Variants in ETFA observed in about 807,000 individuals in gnomAD.
ETFA encodes electron transfer flavoprotein subunit alpha, also known as electron transfer flavoprotein subunit alpha, mitochondrial.
ETFA carries 22 observed loss-of-function variants against 46.2 expected under a neutral mutation model. The observed-to-expected ratio is 0.48, with a 90% CI of 0.34 to 0.68. The LOEUF (loss-of-function observed/expected upper bound fraction) is 0.68, where lower values mean the gene tolerates loss of function less well. Among genes scored for constraint, ETFA ranks in the 30% least tolerant of loss-of-function variants. ETFA has a pLI of 0.01. For synonymous variants in ETFA, 131 were observed against 139.9 expected, an observed-to-expected ratio of 0.94 and a Z score of 0.45; for missense variants, 345 against 401.1, an observed-to-expected ratio of 0.86 and a Z score of 1.19.
intron 9 of ETFA, chr15:76,261,244 G>A: frequency 3.2e-6 from 5 of 1,569,790 alleles, no homozygotes; most frequent in Non-Finnish European, 4.4e-6. Flanking sequence ...CAGTTGGAAA[G>A]GGGCATTGGG....
At chr15:76,280,353 C>T (rs2039635382) in intron 8 of ETFA, among the ~76,000 whole-genome samples, 2 of 152,168 alleles carry the variant, frequency 1.3e-5, no homozygotes, top group African/African-American at 2.4e-5. Context: ...TCCTACCACT[C>T]GCCAGGAAAA....
intron 9 of ETFA, chr15:76,260,393 C>T (rs551285139): frequency 2.0e-5 from 31 of 1,572,390 alleles, no homozygotes; most frequent in Middle Eastern, 2.1e-4. Context: ...TCACCAGGGC[C>T]GTTAGCACAC....
chr15:76,286,145 C>T (rs1036246499), intron 6 of ETFA, among the ~76,000 whole-genome samples: 3 of 152,176 alleles, frequency 2.0e-5, no homozygotes, highest in African/African-American at 7.2e-5. Context: ...CTCTGTCTCC[C>T]ACTCCCTTGA....
intron 11 of ETFA, among the ~76,000 whole-genome samples, chr15:76,222,838 ATT>A (rs5813824): frequency 4.1e-4 from 60 of 146,758 alleles, no homozygotes; most frequent in Non-Finnish European, 5.1e-4. Context: ...CCCAAACTGA[ATT>A]TTTTTTTTTT....
intron 1 of ETFA, among the ~76,000 whole-genome samples, chr15:76,306,033 G>C (rs1191032406): frequency 6.6e-6 from 1 of 151,480 alleles, no homozygotes; most frequent in Non-Finnish European, 1.5e-5. Context: ...TTTTGACATT[G>C]TTTTTGCTTG....
intron 10 of ETFA, among the ~76,000 whole-genome samples, chr15:76,228,570 G>A (rs952027424): frequency 6.6e-6 from 1 of 152,050 alleles, no homozygotes; most frequent in Admixed American, 6.6e-5. Flanking sequence ...AAAAAGATGT[G>A]GGGCTGGTTA....
chr15:76,294,877 T>C (rs2039801822), intron 2 of ETFA, among the ~76,000 whole-genome samples: 1 of 152,116 alleles, frequency 6.6e-6, no homozygotes, highest in Non-Finnish European at 1.5e-5. Context: ...AAACATAAAA[T>C]CCTCAAAACA....
intron 1 of ETFA, among the ~76,000 whole-genome samples, chr15:76,306,267 C>CTTTTT (rs35290919): frequency 6.7e-4 from 73 of 109,468 alleles, no homozygotes; most frequent in African/African-American, 2.3e-3. Flanking sequence ...TTTTTTGCTT[C>CTTTTT]TTTTTTTTTT....
chr15:76,259,558 C>A, intron 9 of ETFA: 2 of 1,052,908 alleles, frequency 1.9e-6, no homozygotes, highest in Non-Finnish European at 3.0e-6. Context: ...CACATGGTCA[C>A]CCCGAAGGCC....
At chr15:76,271,189 A>G (rs1241978191) in intron 9 of ETFA, among the ~76,000 whole-genome samples, 1 of 151,958 alleles carries the variant, frequency 6.6e-6, no homozygotes, top group Non-Finnish European at 1.5e-5. Flanking sequence ...AAAAAAAAAA[A>G]AGTTTGAGGA....
chr15:76,277,821 C>T lies in ETFA; in HGVS notation c.734-3327G>A, dbSNP rs115134792. On this transcript the variant is annotated intron_variant, in intron 8 of 11. Coordinates refer to ENST00000557943, the MANE Select transcript of ETFA (RefSeq NM_000126.4). ...CCCTGCCCACCTGGAGTTTTTAACA[C>T]GGAACCTCCAACAATTCATCAACAA... 7.1e-3 allele frequency among the ~76,000 whole-genome samples: 1,079 copies of T among 152,228 alleles called. 17 individuals carry two copies. The highest frequency in any genetic ancestry group is 0.025 in the African/African-American group (1,022 of 41,546).
intron 7 of ETFA, 149 bp downstream of exon 7, chr15:76,285,488 C>T: frequency 1.6e-6 from 1 of 610,480 alleles, no homozygotes; most frequent in East Asian, 3.0e-5. Flanking sequence ...ATTTCATTTT[C>T]CTAATTGGTT....
chr15:76,221,564 T>C (rs1318589010), intron 11 of ETFA, among the ~76,000 whole-genome samples: 1 of 152,242 alleles, frequency 6.6e-6, no homozygotes, highest in African/African-American at 2.4e-5. Context: ...ACTACAATTA[T>C]AATATTTACC....
At chr15:76,310,369 G>GAAAAAAAAAAAAAAAA (rs34111559) in intron 1 of ETFA, among the ~76,000 whole-genome samples, 13 of 104,444 alleles carry the variant, frequency 1.2e-4, no homozygotes, top group African/African-American at 4.8e-4. Flanking sequence ...TCCATGCCCA[G>GAAAAAAAAAAAAAAAA]AAAAAAAAAA....
At chr15:76,244,014 G>A (rs1281284412) in intron 9 of ETFA, among the ~76,000 whole-genome samples, 1 of 151,938 alleles carries the variant, frequency 6.6e-6, no homozygotes, top group Non-Finnish European at 1.5e-5. Flanking sequence ...AGCCTCCCAA[G>A]TAGCTGGGAT....
intron 9 of ETFA, among the ~76,000 whole-genome samples, chr15:76,271,352 T>C (rs943255415): frequency 6.6e-6 from 1 of 152,198 alleles, no homozygotes; most frequent in Non-Finnish European, 1.5e-5. Context: ...TGAAATTGTA[T>C]ACCATCTGAT....
chr15:76,267,150 C>T (rs1004939454), intron 9 of ETFA, among the ~76,000 whole-genome samples: 1 of 152,194 alleles, frequency 6.6e-6, no homozygotes, highest in African/African-American at 2.4e-5. Flanking sequence ...ACGAATTAAT[C>T]TGATACAGCC....
chr15:76,226,736 G>T (rs1027928384), intron 10 of ETFA, among the ~76,000 whole-genome samples: 16 of 151,882 alleles, frequency 1.1e-4, no homozygotes, highest in Admixed American at 7.2e-4. Context: ...AAAATTAGCC[G>T]GGCGTGGTGG....
At chr15:76,254,660 C>T (rs557596398) in intron 9 of ETFA, among the ~76,000 whole-genome samples, 40 of 152,060 alleles carry the variant, frequency 2.6e-4, no homozygotes, top group Non-Finnish European at 4.7e-4. Context: ...TCTCACAGTG[C>T]GCAATGGAGT....
Sources: allele counts gnomAD v4.1 joint callset (sites outside exome capture counted in the v4.1 genomes callset), GRCh38; gene constraint gnomAD v4.1.1; transcripts MANE v1.5; gene names NCBI Gene and HGNC (gene_info 2026-07-23, HGNC 2026-07-21).